The following MMD2 variants were observed in gnomAD, a reference collection of about 807,000 sequenced individuals.
MMD2 encodes the protein monocyte to macrophage differentiation factor 2.
MMD2 carries 30 observed loss-of-function variants against 33.5 expected under a neutral mutation model. The observed-to-expected ratio is 0.90, with a 90% CI of 0.67 to 1.22. MMD2 has a LOEUF of 1.22. Among genes scored for constraint, MMD2 ranks in the 50% most tolerant of loss-of-function variants. The probability of loss-of-function intolerance (pLI) is 0.00; values close to 1 mark genes in which losing one functional copy is unlikely to be tolerated. For missense variants in MMD2, 364 were observed against 325.4 expected (o/e 1.12, Z -0.91); for synonymous variants, 129 against 123.0 (o/e 1.05, Z -0.32).
Position 4,907,602 on chromosome 7 carries a change from G to A in MMD2, c.538-3C>T, listed in dbSNP as rs763100940. ...TCCCAGATGCCCTCGGTGTTGGGCT[G>A]TCGGCAAGGACAAGGGTGGGGCACA... On this transcript the variant is annotated splice_region_variant and splice_polypyrimidine_tract_variant and intron_variant, in intron 6 of 6. Transcript: ENST00000401401. 16 of 1,612,018 alleles carry A rather than the reference G, an allele frequency of 9.9e-6. 1 individual carries two copies. The Admixed American group carries it at 2.7e-4, about 27-fold the overall frequency.
intron 6 of MMD2, 196 bp downstream of exon 6, chr7:4,909,685 C>G (rs1184971746): frequency 2.6e-6 from 2 of 775,716 alleles, no homozygotes; most frequent in Admixed American, 2.0e-5. Context: ...ATCCTCCCAC[C>G]TCAGCCTCCC....
chr7:4,954,126 C>G (rs919065010), intron 1 of MMD2, among the ~76,000 whole-genome samples: 1 of 152,154 alleles, frequency 6.6e-6, no homozygotes, highest in African/African-American at 2.4e-5. Flanking sequence ...GCCACTGCAC[C>G]CAGACAGTTA....
At chr7:4,912,932 G>C (rs954592038) in intron 4 of MMD2, among the ~76,000 whole-genome samples, 3 of 152,106 alleles carry the variant, frequency 2.0e-5, no homozygotes, top group Non-Finnish European at 4.4e-5. Context: ...TCAAACTCCT[G>C]ACCTCAGGTG....
At chr7:4,910,499 T>C (rs1305366518) in intron 5 of MMD2, among the ~76,000 whole-genome samples, 1 of 152,134 alleles carries the variant, frequency 6.6e-6, no homozygotes, top group Non-Finnish European at 1.5e-5. Context: ...AGAATGGGAA[T>C]ACAGAGAGTG....
intron 1 of MMD2, among the ~76,000 whole-genome samples, chr7:4,936,823 C>T (rs912703576): frequency 6.6e-6 from 1 of 152,040 alleles, no homozygotes; most frequent in Non-Finnish European, 1.5e-5. Context: ...CAACTTCCGC[C>T]TCCCGGGTTC....
intron 1 of MMD2, among the ~76,000 whole-genome samples, chr7:4,934,778 T>C (rs1232469710): frequency 7.2e-5 from 11 of 152,226 alleles, no homozygotes; most frequent in Non-Finnish European, 1.6e-4. Flanking sequence ...AGAAAATGCC[T>C]GCATGGGCAG....
At chr7:4,953,844 T>G (rs930218241) in intron 1 of MMD2, among the ~76,000 whole-genome samples, 2 of 152,154 alleles carry the variant, frequency 1.3e-5, no homozygotes, top group Non-Finnish European at 2.9e-5. Flanking sequence ...GTTGTTCATC[T>G]GAAATTTACA....
At chr7:4,933,519 G>A (rs946711894) in intron 1 of MMD2, among the ~76,000 whole-genome samples, 2 of 152,090 alleles carry the variant, frequency 1.3e-5, no homozygotes, top group Non-Finnish European at 2.9e-5. Context: ...TGTTGGGCAG[G>A]GAGCATCTGA....
intron 1 of MMD2, among the ~76,000 whole-genome samples, chr7:4,949,845 A>G (rs2115158217): frequency 6.6e-6 from 1 of 152,200 alleles, no homozygotes; most frequent in South Asian, 2.1e-4. Context: ...ATGGCATTTT[A>G]TAAGAGTAGC....
intron 1 of MMD2, among the ~76,000 whole-genome samples, chr7:4,958,424 A>T (rs952384858): frequency 1.3e-5 from 2 of 152,122 alleles, no homozygotes; most frequent in Non-Finnish European, 2.9e-5. Flanking sequence ...CGGAGTTCAC[A>T]CTATGAAAAG....
chr7:4,905,480 G>C (rs917274367), downstream of MMD2, among the ~76,000 whole-genome samples: 5 of 151,436 alleles, frequency 3.3e-5, no homozygotes, highest in Non-Finnish European at 7.4e-5. This position sits in a 1 kb window ranked among gnomAD's most constrained non-coding sequence, Gnocchi z 5.0. Context: ...AAAGGAGGGA[G>C]GGAAGGAGTA....
At position 4,959,004 on chromosome 7, in the gene MMD2, CG is replaced by C. The variant is rs1261389981; in HGVS notation, c.13del (p.Arg5GlyfsTer14). The C allele has an allele frequency of 6.3e-6, 8 of 1,273,854 alleles. No homozygotes were observed. The highest frequency in any genetic ancestry group is 3.0e-5 in the South Asian group (1 of 33,096). 78.9% of individuals were successfully genotyped at this position (1,273,854 alleles called of 1,614,324 possible). A position where few individuals can be genotyped will look rare whatever the true frequency, so the allele number is the denominator to read the frequency against. On this transcript the variant is annotated frameshift_variant, in exon 1 of 7. Coordinates refer to ENST00000401401, the MANE Select transcript of MMD2 (RefSeq NM_198403.4). LOFTEE classifies it high-confidence loss of function. ...TTTCGTCTTCTGGAAATCCAGCAGC[CG>C]GGGGGCGAACATCGCGGCGCTTCCA... Reference protein sequence around the residue: MFAPRLLDFQKTKYA... With the variant: MFAPXLLDFQKTKYA...
At chr7:4,955,339 G>C (rs187897427) in intron 1 of MMD2, among the ~76,000 whole-genome samples, 1 of 152,146 alleles carries the variant, frequency 6.6e-6, no homozygotes, top group Non-Finnish European at 1.5e-5. Context: ...AAGACTCTAG[G>C]TTAGAACCTA....
At chr7:4,958,149 C>A (rs999592026) in intron 1 of MMD2, among the ~76,000 whole-genome samples, 1 of 152,184 alleles carries the variant, frequency 6.6e-6, no homozygotes, top group African/African-American at 2.4e-5. Flanking sequence ...AAGAGGCCCC[C>A]GCGGGCTGCT....
At chr7:4,956,758 T>G (rs1166979684) in intron 1 of MMD2, among the ~76,000 whole-genome samples, 1 of 152,138 alleles carries the variant, frequency 6.6e-6, no homozygotes, top group East Asian at 1.9e-4. Context: ...ACACAGCAGG[T>G]GTGGGACAGG....
At chr7:4,911,692 A>G (rs2115090582) in intron 4 of MMD2, among the ~76,000 whole-genome samples, 2 of 151,308 alleles carry the variant, frequency 1.3e-5, no homozygotes, top group Middle Eastern at 6.8e-3. Context: ...TCTGTGCCCC[A>G]GGCTGCAGTG....
intron 1 of MMD2, among the ~76,000 whole-genome samples, chr7:4,933,635 A>G (rs991708157): frequency 2.0e-5 from 3 of 150,844 alleles, no homozygotes; most frequent in African/African-American, 7.4e-5. Context: ...GTTGAGGGAT[A>G]ATAAATGCAT....
At chr7:4,934,468 G>T (rs184532684) in intron 1 of MMD2, among the ~76,000 whole-genome samples, 203 of 152,346 alleles carry the variant, frequency 1.3e-3, no homozygotes, top group Admixed American at 3.9e-3. Context: ...AGAGGTGGCA[G>T]TCAGAGAGGC....
chr7:4,926,835 C>T (rs1785441763), intron 1 of MMD2, among the ~76,000 whole-genome samples: 1 of 151,956 alleles, frequency 6.6e-6, no homozygotes. Flanking sequence ...AGCTCCGCCT[C>T]CTGGGTTCAC....
Sources: allele counts gnomAD v4.1 joint callset (sites outside exome capture counted in the v4.1 genomes callset), GRCh38; gene constraint gnomAD v4.1.1; non-coding constraint Gnocchi (gnomAD v3.1); transcripts MANE v1.5; gene names NCBI Gene and HGNC (gene_info 2026-07-23, HGNC 2026-07-21).